Variants in GPR4 observed in about 807,000 individuals in gnomAD.
GPR4 encodes the protein G protein-coupled receptor 4, also known as G-prodeshotein coupled receptor 4.
In GPR4, 11 loss-of-function variants were observed where a neutral mutation model predicts 17.8. The ratio of observed to expected loss-of-function variants is 0.62; its 90% CI spans 0.39 to 1.02. GPR4 has a LOEUF of 1.02. GPR4 is among the 50% of genes least tolerant of loss of function. GPR4 has a pLI of 0.00. For missense variants in GPR4, 364 were observed against 495.4 expected (o/e 0.73, Z 2.52); for synonymous variants, 219 against 222.8 (o/e 0.98, Z 0.15).
rs1969998757 is a variant in GPR4, at chr19:45,591,741, G to C, written c.126C>G (p.Ala42=). 1 of 1,613,802 alleles carries C rather than the reference G, an allele frequency of 6.2e-7. No individual in the cohort carries two copies. The highest frequency in any genetic ancestry group is 8.5e-7 in the Non-Finnish European group (1 of 1,179,966). ...LPTNCLALWA[A]YRQVQQRNEL... ...CGTTGCGCTGTTGCACCTGGCGGTA[G>C]GCCGCCCACAGAGCCAGGCAGTTGG... Residue 42 remains alanine (A), a synonymous_variant, in exon 2 of 2, where the codon GCC becomes GCG. Transcript: ENST00000323040. This position sits in a 1 kb window ranked among gnomAD's most constrained non-coding sequence, Gnocchi z 7.6.
At chr19:45,601,010 G>C (rs1330656953) in intron 1 of GPR4, among the ~76,000 whole-genome samples, 2 of 152,002 alleles carry the variant, frequency 1.3e-5, no homozygotes, top group Non-Finnish European at 2.9e-5. Flanking sequence ...CCCCAGAAAA[G>C]AAAACCTCCT....
Position 45,590,816 on chromosome 19 carries a change from C to G in GPR4, c.1051G>C (p.Asp351His). ...GGCAGCATCTTCAGCTGCACCTGGTCCCCCTGGGAGGGCGGAGTGGCCGCC... is the reference window on the plus strand; with the variant it reads ...GGCAGCATCTTCAGCTGCACCTGGTGCCCCTGGGAGGGCGGAGTGGCCGCC... ...SWAATPPSQG[D>H]QVQLKMLPPA... The change falls in exon 2 of 2, where the codon GAC (aspartate) becomes CAC (histidine). Residue 351 changes from aspartate to histidine, a missense_variant. By Grantham distance (81) the Asp-to-His change is moderately conservative. Transcript: ENST00000323040. The G allele has an allele frequency of 6.3e-7, 1 of 1,593,006 alleles. No individual in the cohort carries two copies. Among genetic ancestry groups the G allele is most frequent in the South Asian group, 1.1e-5 (1 of 88,358 alleles).
At chr19:45,596,371 A>G (rs1405785045) in intron 1 of GPR4, among the ~76,000 whole-genome samples, 2 of 151,564 alleles carry the variant, frequency 1.3e-5, no homozygotes, top group Non-Finnish European at 2.9e-5. Context: ...ACGCTCAGCT[A>G]ATTTTGTATT....
intron 1 of GPR4, among the ~76,000 whole-genome samples, chr19:45,596,360 C>T (rs977096244): frequency 1.3e-5 from 2 of 152,024 alleles, no homozygotes; most frequent in Non-Finnish European, 2.9e-5. Context: ...CATGCGTCAC[C>T]ACGCTCAGCT....
intron 1 of GPR4, among the ~76,000 whole-genome samples, chr19:45,594,537 C>T (rs1970038127): frequency 6.6e-6 from 1 of 150,670 alleles, no homozygotes; most frequent in African/African-American, 2.4e-5. Flanking sequence ...TTGAAATTTT[C>T]AAGACTCCTA....
chr19:45,600,729 T>C (rs1052794394), intron 1 of GPR4, among the ~76,000 whole-genome samples: 2 of 151,882 alleles, frequency 1.3e-5, no homozygotes, highest in African/African-American at 4.8e-5. Flanking sequence ...GCAGGGGGAG[T>C]TGGCCTAGGT....
chr19:45,591,581 T>C lies in GPR4; in HGVS notation c.286A>G (p.Ile96Val), dbSNP rs373741420. 2 of 1,613,258 alleles carry C rather than the reference T, an allele frequency of 1.2e-6. No homozygotes were observed. The highest frequency in any genetic ancestry group is 2.7e-5 in the African/African-American group (2 of 74,640). Reference protein sequence around the residue: ...GPGSCKLFGFIFYTNIYISIA... With the variant: ...GPGSCKLFGFVFYTNIYISIA... ...CTGATGTAGATATTGGTGTAGAAGA[T>C]GAACCCAAAGAGCTTGCAGGACCCG... The change falls in exon 2 of 2, where the codon ATC becomes GTC. Residue 96 changes from isoleucine to valine, a missense_variant. This residue lies in a region of GPR4 where 271 missense variants were observed against 373.1 expected (regional missense o/e 0.73). Coordinates refer to ENST00000323040, the MANE Select transcript of GPR4 (RefSeq NM_005282.3). This position sits in a 1 kb window ranked among gnomAD's most constrained non-coding sequence, Gnocchi z 7.6.
intron 1 of GPR4, chr19:45,599,859 C>T (rs770502238): frequency 1.3e-5 from 2 of 152,116 alleles, no homozygotes; most frequent in South Asian, 2.1e-4. Flanking sequence ...TTCCAAGATT[C>T]GAAAGTTCTA....
rs780072441 is a variant in GPR4, at chr19:45,591,459, G to A, written c.408C>T (p.Ala136=). The A allele has an allele frequency of 8.1e-6, 13 of 1,607,886 alleles. No individual in the cohort carries two copies. Among genetic ancestry groups the A allele is most frequent in the African/African-American group, 1.3e-5 (1 of 74,312 alleles). The change falls in exon 2 of 2, where the codon GCC becomes GCT. Residue 136 remains alanine, a synonymous_variant. Transcript: ENST00000323040. The surrounding 1 kb of genome is among the most constrained non-coding windows in gnomAD (Gnocchi z 7.6). ...ARLRRVKTAV[A]VSSVVWATEL... ...CCGTGGCCCAGACCACGGAGCTCAC[G>A]GCCACGGCGGTCTTGACGCGGCGCA...
Position 45,591,251 on chromosome 19 carries a change from G to T in GPR4, c.616C>A (p.Arg206=). 1 of 1,613,246 alleles carries T rather than the reference G, an allele frequency of 6.2e-7. No homozygotes were observed. The highest frequency in any genetic ancestry group is 1.1e-5 in the South Asian group (1 of 91,066). ...GTGGACACGCTGCCCCGCACGGCCCGCAGGATGCCCCGGTACGACAGCAGC... is the reference window on the plus strand; with the variant it reads ...GTGGACACGCTGCCCCGCACGGCCCTCAGGATGCCCCGGTACGACAGCAGC... ...LMLLSYRGIL[R]AVRGSVSTER... is the part of the protein sequence containing the mutation. Residue 206 remains arginine (R), a synonymous_variant, in exon 2 of 2, where the codon CGG becomes AGG. Coordinates refer to ENST00000323040, the MANE Select transcript of GPR4 (RefSeq NM_005282.3). This position sits in a 1 kb window ranked among gnomAD's most constrained non-coding sequence, Gnocchi z 7.6.
intron 1 of GPR4, among the ~76,000 whole-genome samples, chr19:45,599,208 G>C (rs1018803013): frequency 4.6e-5 from 7 of 152,014 alleles, no homozygotes; most frequent in African/African-American, 1.7e-4. Flanking sequence ...GGAAGACCTG[G>C]CCCCCCCAAC....
At chr19:45,598,558 G>A (rs10415166) in intron 1 of GPR4, among the ~76,000 whole-genome samples, 3 of 152,008 alleles carry the variant, frequency 2.0e-5, no homozygotes, top group Admixed American at 1.3e-4. Context: ...GCTGGACATG[G>A]GGGGGAGGGG....
At chr19:45,595,726 G>A (rs1453050205) in intron 1 of GPR4, among the ~76,000 whole-genome samples, 2 of 136,848 alleles carry the variant, frequency 1.5e-5, no homozygotes, top group Non-Finnish European at 3.1e-5. Context: ...TTTTGGACGT[G>A]AAACCTGGCT....
rs536994157 is a variant in GPR4, at chr19:45,591,958, T to G, written c.-92A>C. 9,674 of 1,355,090 alleles carry G rather than the reference T, an allele frequency of 7.1e-3. 41 individuals are homozygous for G. The highest frequency in any genetic ancestry group is 8.7e-3 in the Non-Finnish European group (8,714 of 1,000,102). The allele number at this position is 1,355,090 out of a possible 1,614,324, so 83.9% of individuals were successfully genotyped here. A position where few individuals can be genotyped will look rare whatever the true frequency, so the allele number is the denominator to read the frequency against. On this transcript the variant is annotated 5_prime_UTR_variant, in exon 2 of 2. Coordinates refer to ENST00000323040, the MANE Select transcript of GPR4 (RefSeq NM_005282.3). This position sits in a 1 kb window ranked among gnomAD's most constrained non-coding sequence, Gnocchi z 7.6. ...GAGGCCATGGGGCCCCCTGAGCCCC[T>G]TCCTTGGAGGCTCAGGGGAACATGG...
intron 1 of GPR4, among the ~76,000 whole-genome samples, chr19:45,596,137 G>C (rs1202194953): frequency 2.0e-5 from 3 of 152,024 alleles, no homozygotes; most frequent in African/African-American, 7.2e-5. Flanking sequence ...GCTTTTCTGG[G>C]CTACTCTGGC....
intron 1 of GPR4, among the ~76,000 whole-genome samples, chr19:45,593,159 C>T (rs893159578): frequency 1.6e-4 from 23 of 142,462 alleles, no homozygotes; most frequent in African/African-American, 4.8e-4. Context: ...AATCACACCA[C>T]GGCACTCCAG....
chr19:45,592,782 C>A (rs1287291396), intron 1 of GPR4, 85 bp from the exon 2 acceptor site: 2 of 162,380 alleles, frequency 1.2e-5, no homozygotes, highest in Admixed American at 1.3e-4. Flanking sequence ...TTGCTGTGAA[C>A]TGCAGAGACT....
rs1182405088 is a variant in GPR4, at chr19:45,591,552, G to A, written c.315C>T (p.Ile105=). The A allele has an allele frequency of 1.2e-6, 2 of 1,613,992 alleles. No homozygotes were observed. Among genetic ancestry groups the A allele is most frequent in the East Asian group, 4.5e-5 (2 of 44,866 alleles). The change falls in exon 2 of 2, where the codon ATC becomes ATT. Residue 105 remains isoleucine (I), a synonymous_variant. Coordinates refer to ENST00000323040, the MANE Select transcript of GPR4 (RefSeq NM_005282.3). The surrounding 1 kb of genome is among the most constrained non-coding windows in gnomAD (Gnocchi z 7.6). The part of the protein sequence containing the change: ...FIFYTNIYIS[I]AFLCCISVDR... ...CCACCGAGATGCAGCACAGGAAGGC[G>A]ATGCTGATGTAGATATTGGTGTAGA...
intron 1 of GPR4, among the ~76,000 whole-genome samples, chr19:45,601,821 C>G (rs1212740672): frequency 6.6e-6 from 1 of 151,754 alleles, no homozygotes; most frequent in African/African-American, 2.4e-5. Context: ...CAGACGGAGA[C>G]AGAGAGGCAG....
Sources: gnomAD v4.1 joint callset for allele counts (sites outside exome capture counted in the v4.1 genomes callset) on GRCh38, gnomAD v4.1.1 for gene constraint, gnomAD v4.1.1 regional missense constraint, Gnocchi (gnomAD v3.1) non-coding constraint, MANE v1.5 for transcripts, NCBI Gene and HGNC (gene_info 2026-07-23, HGNC 2026-07-21) for gene names.